C3: variants seen among roughly 807,000 people sequenced by gnomAD.
C3 encodes the protein C3 and PZP-like alpha-2-macroglobulin domain-containing protein 1.
In C3, 97 loss-of-function variants were observed where a neutral mutation model predicts 207.9. The ratio of observed to expected loss-of-function variants is 0.47; its 90% CI spans 0.40 to 0.55. C3 has a LOEUF of 0.55. Ranked by LOEUF, C3 falls within the 20% of genes least tolerant of loss-of-function variation. C3 has a pLI of 0.00. For missense variants in C3, 1,684 were observed against 2,171.7 expected, an observed-to-expected ratio of 0.78 and a Z score of 4.46; for synonymous variants, 848 against 857.6, an observed-to-expected ratio of 0.99 and a Z score of 0.20.
intron 14 of C3, 65 bp downstream of exon 14, chr19:6,709,619 A>ACCCCCCCCCCCCCC: frequency 6.9e-6 from 3 of 432,322 alleles, no homozygotes; most frequent in South Asian, 4.6e-5. Flanking sequence ...AGTCCCACCC[A>ACCCCCCCCCCCCCC]CCTCCCCCAG....
intron 27 of C3, 70 bp from the exon 28 acceptor site, chr19:6,686,972 C>T: frequency 2.7e-6 from 4 of 1,484,836 alleles, no homozygotes; most frequent in Non-Finnish European, 3.8e-6. Flanking sequence ...ATCATTCGAG[C>T]AGCACTTCCT....
At chr19:6,714,544 G>A (rs1347307338) in intron 4 of C3, 98 bp from the exon 5 acceptor site, 5 of 848,432 alleles carry the variant, frequency 5.9e-6, no homozygotes, top group Non-Finnish European at 9.9e-6. Context: ...GACATTCTCT[G>A]TGCACAGTGT....
chr19:6,693,281 G>A, intron 25 of C3, 131 bp downstream of exon 25: 1 of 1,100,184 alleles, frequency 9.1e-7, no homozygotes, highest in Non-Finnish European at 1.3e-6. Flanking sequence ...GCCAGCGCTT[G>A]CCTGGACTCT....
chr19:6,708,635 T>G (rs1967839403), intron 14 of C3, among the ~76,000 whole-genome samples: 1 of 142,436 alleles, frequency 7.0e-6, no homozygotes, highest in African/African-American at 2.6e-5. Flanking sequence ...TCCTTTCTTT[T>G]TCTTTCTCTC....
intron 19 of C3, among the ~76,000 whole-genome samples, chr19:6,698,457 A>T (rs1967586671): frequency 6.6e-6 from 1 of 152,346 alleles, no homozygotes; most frequent in South Asian, 2.1e-4. Flanking sequence ...AGCACTTGAA[A>T]TGGGGTTTGC....
intron 11 of C3, 30 bp from the exon 12 acceptor site, chr19:6,711,226 T>A: frequency 6.3e-7 from 1 of 1,590,914 alleles, no homozygotes; most frequent in Admixed American, 1.7e-5. Flanking sequence ...TGCCTGCTGG[T>A]CGCCGCCCGA....
intron 33 of C3, 71 bp from the exon 34 acceptor site, chr19:6,682,300 G>C: frequency 8.4e-7 from 1 of 1,187,312 alleles, no homozygotes; most frequent in Non-Finnish European, 1.3e-6. Context: ...TCCTGGACAA[G>C]GAGGTCTGAT....
At chr19:6,683,167 C>T (rs1248811860) in intron 33 of C3, 1 of 152,020 alleles carries the variant, frequency 6.6e-6, no homozygotes, top group African/African-American at 2.4e-5. Flanking sequence ...ATGGAAAGCT[C>T]AAAGGATAAA....
intron 17 of C3, among the ~76,000 whole-genome samples, chr19:6,705,784 C>T (rs1398205155): frequency 6.6e-6 from 1 of 152,172 alleles, no homozygotes; most frequent in Non-Finnish European, 1.5e-5. Context: ...AAGCGATTCT[C>T]CCACCTCAGC....
chr19:6,707,764 G>C (rs762541505), intron 15 of C3, 36 bp downstream of exon 15: 4 of 1,611,148 alleles, frequency 2.5e-6, no homozygotes, highest in Non-Finnish European at 3.4e-6. Flanking sequence ...TGGAGGTGCT[G>C]TCTGTCCCTG....
intron 23 of C3, among the ~76,000 whole-genome samples, chr19:6,694,850 C>A (rs1967498434): frequency 6.6e-6 from 1 of 152,118 alleles, no homozygotes; most frequent in South Asian, 2.1e-4. Context: ...CACAGGGGCA[C>A]CCTGGTCCTT....
chr19:6,718,417 G>T lies in C3; in HGVS notation c.268-5C>A, dbSNP rs761085274. On this transcript the variant is annotated splice_polypyrimidine_tract_variant and splice_region_variant and intron_variant, in intron 2 of 40. Coordinates refer to ENST00000245907, the MANE Select transcript of C3 (RefSeq NM_000064.4). ...GAACTCCCTGTTGGCTGGGATCTAG[G>T]CGTGGGCAGGGCATTGTCAGGGGTC... 6.2e-7 allele frequency: 1 copy of T among 1,614,186 alleles called. No homozygotes were observed. Among genetic ancestry groups the T allele is most frequent in the Non-Finnish European group, 8.5e-7 (1 of 1,180,028 alleles).
chr19:6,703,643 A>G (rs388442), intron 17 of C3, among the ~76,000 whole-genome samples: 1,560 of 152,224 alleles, frequency 0.01, 18 homozygotes, highest in African/African-American at 0.035. Flanking sequence ...AAGCATGTGC[A>G]TGTGGCTCTA....
chr19:6,707,660 G>A lies in C3; in HGVS notation c.1976-123C>T, dbSNP rs11569432. 1,713 of 1,522,236 alleles carry A rather than the reference G, an allele frequency of 1.1e-3. 17 individuals carry two copies. The African/African-American group carries it at 0.021, about 19-fold the overall frequency. The allele number at this position is 1,522,236 out of a possible 1,614,324, so 94.3% of individuals were successfully genotyped here. On this transcript the variant is annotated intron_variant, in intron 15 of 40. Coordinates refer to ENST00000245907, the MANE Select transcript of C3 (RefSeq NM_000064.4). ...CCCATTTGATGGAAGAGCAAACTGA[G>A]GCTCAGAGGGGAGGGATTTACTAGG... is the stretch of plus-strand genomic sequence containing the variant.
chr19:6,679,432 A>G lies in C3; in HGVS notation c.4521T>C (p.Arg1507=), dbSNP rs1275761189. 6.2e-7 allele frequency: 1 copy of G among 1,613,918 alleles called. No homozygotes were observed. The highest frequency in any genetic ancestry group is 2.2e-5 in the East Asian group (1 of 44,870). ...CCTCAGCACAGCGGCACAGTTCATCACGGCAGAGCTTGTTCAGCTTTCCAT... is the reference window on the plus strand; with the variant it reads ...CCTCAGCACAGCGGCACAGTTCATCGCGGCAGAGCTTGTTCAGCTTTCCAT... ...KEDGKLNKLC[R]DELCRCAEEN... is the part of the protein sequence containing the mutation. The change falls in exon 37 of 41, where the codon CGT becomes CGC. Residue 1507 remains arginine, a synonymous_variant. Coordinates refer to ENST00000245907, the MANE Select transcript of C3 (RefSeq NM_000064.4).
chr19:6,689,387 CTG>C, intron 27 of C3, among the ~76,000 whole-genome samples: 6 of 138,008 alleles, frequency 4.3e-5, no homozygotes, highest in African/African-American at 1.3e-4. Flanking sequence ...CTCTCTCTCT[CTG>C]CCTTGGTCCC....
chr19:6,693,548 A>G (rs2145407230), intron 24 of C3, 61 bp from the exon 25 acceptor site: 1 of 1,497,262 alleles, frequency 6.7e-7, no homozygotes, highest in South Asian at 1.2e-5. Context: ...GGCACGCCAG[A>G]AAGGGCAGGG....
Position 6,707,879 on chromosome 19 carries a change from C to T in C3, c.1896G>A (p.Gly632=). The part of the protein sequence containing the change: ...KADIGCTPGS[G]KDYAGVFSDA... ...CGGAGAAGACACCGGCGTAATCCTTCCCACTGCCCGGGGTGCAGCCGATGT... is the reference window on the plus strand; with the variant it reads ...CGGAGAAGACACCGGCGTAATCCTTTCCACTGCCCGGGGTGCAGCCGATGT... The change falls in exon 15 of 41, where the codon GGG becomes GGA. Residue 632 remains glycine, a synonymous_variant. Transcript: ENST00000245907. 3 of 1,614,004 alleles carry T rather than the reference C, an allele frequency of 1.9e-6. No individual in the cohort carries two copies. Among genetic ancestry groups the T allele is most frequent in the Non-Finnish European group, 2.5e-6 (3 of 1,180,004 alleles).
At chr19:6,679,295 C>T (rs1405317939) in intron 37 of C3, 87 bp from the exon 38 acceptor site, 2 of 1,454,584 alleles carry the variant, frequency 1.4e-6, no homozygotes, top group Non-Finnish European at 9.7e-7. Flanking sequence ...TGGGAGCCTA[C>T]CCCCCTTGGT....
Sources: gnomAD v4.1 joint callset for allele counts (sites outside exome capture counted in the v4.1 genomes callset) on GRCh38, gnomAD v4.1.1 for gene constraint, MANE v1.5 for transcripts, NCBI Gene and HGNC (gene_info 2026-07-23, HGNC 2026-07-21) for gene names.